Variants in RUNX1 observed in about 807,000 individuals in gnomAD.
The protein encoded by RUNX1 is RUNX family transcription factor 1.
In RUNX1, 19 loss-of-function variants were observed where a neutral mutation model predicts 42.8. The observed-to-expected ratio is 0.44, with a 90% CI of 0.31 to 0.65. RUNX1 has a LOEUF of 0.65. Ranked by LOEUF, RUNX1 falls within the 30% of genes least tolerant of loss-of-function variation. RUNX1 has a pLI of 0.07. For synonymous variants in RUNX1, 271 were observed against 289.4 expected, an observed-to-expected ratio of 0.94 and a Z score of 0.64; for missense variants, 528 against 672.0, an observed-to-expected ratio of 0.79 and a Z score of 2.37.
intron 3 of RUNX1, chr21:34,889,902 G>T: frequency 3.9e-6 from 4 of 1,028,618 alleles, no homozygotes; most frequent in Non-Finnish European, 4.7e-6. Flanking sequence ...TCCACCCCGG[G>T]GCTGCAACCC....
chr21:35,007,519 T>C (rs1314212582), intron 2 of RUNX1, among the ~76,000 whole-genome samples: 1 of 152,208 alleles, frequency 6.6e-6, no homozygotes, highest in Non-Finnish European at 1.5e-5. Flanking sequence ...ACATTCAATA[T>C]ATTCAGACAT....
chr21:34,872,158 T>A (rs893510552), intron 5 of RUNX1, among the ~76,000 whole-genome samples: 1 of 152,176 alleles, frequency 6.6e-6, no homozygotes, highest in Non-Finnish European at 1.5e-5. Flanking sequence ...ATCACTTTTT[T>A]AATATGAGTG....
intron 2 of RUNX1, among the ~76,000 whole-genome samples, chr21:35,018,494 TC>T (rs2059175625): frequency 6.6e-6 from 1 of 152,180 alleles, no homozygotes; most frequent in African/African-American, 2.4e-5. Flanking sequence ...AGTCCTCCAG[TC>T]GGTGGTACTT....
At chr21:34,937,714 CA>C (rs2058496929) in intron 2 of RUNX1, among the ~76,000 whole-genome samples, 1 of 150,814 alleles carries the variant, frequency 6.6e-6, no homozygotes, top group Non-Finnish European at 1.5e-5. Context: ...AAAAAAAAAC[CA>C]GAAAGAAAAG....
chr21:34,814,878 A>G lies in RUNX1; in HGVS notation c.806-15416T>C, dbSNP rs28373481. Among the ~76,000 whole-genome samples the G allele has an allele frequency of 3.7e-3, 558 of 152,288 alleles. 1 individual carries two copies. Among genetic ancestry groups the G allele is most frequent in the African/African-American group, 0.013 (525 of 41,558 alleles). ...TGTTTTTCAACAAGAAAATGCAAGT[A>G]CCAACAAAAGCCTATTATAACATCT... On this transcript the variant is annotated intron_variant, in intron 7 of 8. Coordinates refer to ENST00000675419, the MANE Select transcript of RUNX1 (RefSeq NM_001754.5).
chr21:34,900,247 G>A (rs1187418460), intron 2 of RUNX1, among the ~76,000 whole-genome samples: 4 of 152,268 alleles, frequency 2.6e-5, no homozygotes, highest in Admixed American at 2.6e-4. Context: ...AAGTCTGTGT[G>A]TATTTTACAT....
chr21:34,831,999 G>A (rs2057069883), intron 7 of RUNX1, among the ~76,000 whole-genome samples: 1 of 152,230 alleles, frequency 6.6e-6, no homozygotes, highest in Admixed American at 6.5e-5. Flanking sequence ...TACAAGTGAA[G>A]TACTGAATAT....
chr21:34,840,363 C>A (rs1384866061), intron 6 of RUNX1, among the ~76,000 whole-genome samples: 1 of 152,202 alleles, frequency 6.6e-6, no homozygotes, highest in African/African-American at 2.4e-5. Flanking sequence ...GTTAAGAATT[C>A]TCCATTCTAA....
chr21:34,792,838 C>G lies in RUNX1; in HGVS notation c.968-228G>C, dbSNP rs907138932. On this transcript the variant is annotated intron_variant, in intron 8 of 8. Transcript: ENST00000675419. This position sits in a 1 kb window ranked among gnomAD's most constrained non-coding sequence, Gnocchi z 6.9. Reference sequence around the variant, plus strand: ...GGGGGACAGGGACCACCCAGGATGCCACCTCCTGAGATGACGAGGATCACC... The same window carrying G: ...GGGGGACAGGGACCACCCAGGATGCGACCTCCTGAGATGACGAGGATCACC... Among the ~76,000 whole-genome samples the G allele has an allele frequency of 6.7e-6, 1 of 150,362 alleles. No individual in the cohort carries two copies. The highest frequency in any genetic ancestry group is 2.5e-5 in the African/African-American group (1 of 40,764).
intron 2 of RUNX1, among the ~76,000 whole-genome samples, chr21:34,931,385 A>G (rs1416221278): frequency 6.8e-6 from 1 of 146,636 alleles, no homozygotes; most frequent in Non-Finnish European, 1.5e-5. Context: ...TAATATATAC[A>G]TGTATATAAT....
intron 2 of RUNX1, among the ~76,000 whole-genome samples, chr21:34,934,867 T>C (rs2058473857): frequency 6.6e-6 from 1 of 152,172 alleles, no homozygotes; most frequent in African/African-American, 2.4e-5. Context: ...GGAGGCTTCA[T>C]AGGTTGAAGA....
intron 2 of RUNX1, among the ~76,000 whole-genome samples, chr21:34,930,486 C>T (rs1235578860): frequency 6.6e-6 from 1 of 151,592 alleles, no homozygotes; most frequent in Non-Finnish European, 1.5e-5. Context: ...AGAATGAGTG[C>T]TGTGATCAAT....
intron 6 of RUNX1, among the ~76,000 whole-genome samples, chr21:34,840,317 A>G (rs1422764092): frequency 6.6e-6 from 1 of 152,246 alleles, no homozygotes; most frequent in Non-Finnish European, 1.5e-5. Context: ...TAGAGAAACA[A>G]CATGGTCCCA....
At chr21:34,954,718 A>T (rs533978508) in intron 2 of RUNX1, among the ~76,000 whole-genome samples, 1 of 152,234 alleles carries the variant, frequency 6.6e-6, no homozygotes, top group South Asian at 2.1e-4. Context: ...TTATATCTTG[A>T]ATTACAGATG....
intron 2 of RUNX1, among the ~76,000 whole-genome samples, chr21:35,011,828 G>A (rs762267230): frequency 1.3e-5 from 2 of 152,154 alleles, no homozygotes; most frequent in African/African-American, 4.8e-5. Context: ...TTTTATGTGG[G>A]CAGTGTTGTT....
intron 2 of RUNX1, among the ~76,000 whole-genome samples, chr21:35,026,020 G>A (rs1214658194): frequency 6.6e-6 from 1 of 151,896 alleles, no homozygotes; most frequent in Non-Finnish European, 1.5e-5. Context: ...CCCCAACAAT[G>A]ATGGAGACTT....
intron 7 of RUNX1, among the ~76,000 whole-genome samples, chr21:34,802,753 G>A (rs1014437215): frequency 2.6e-5 from 4 of 152,158 alleles, no homozygotes; most frequent in Admixed American, 6.5e-5. Flanking sequence ...TCTGAGAGGA[G>A]GAGACTAGGG....
chr21:34,826,565 G>A (rs967206806), intron 7 of RUNX1, among the ~76,000 whole-genome samples: 1 of 151,196 alleles, frequency 6.6e-6, no homozygotes, highest in Non-Finnish European at 1.5e-5. Flanking sequence ...AGCCTCCCGG[G>A]TAACTAGGAC....
intron 2 of RUNX1, among the ~76,000 whole-genome samples, chr21:34,948,109 GT>G (rs1335968457): frequency 1.3e-5 from 2 of 149,900 alleles, no homozygotes; most frequent in African/African-American, 5.0e-5. Context: ...TTGGGGGGGG[GT>G]TTCACTTTTG....
Sources: gnomAD v4.1 joint callset for allele counts (sites outside exome capture counted in the v4.1 genomes callset) on GRCh38, gnomAD v4.1.1 for gene constraint, Gnocchi (gnomAD v3.1) non-coding constraint, MANE v1.5 for transcripts, NCBI Gene and HGNC (gene_info 2026-07-23, HGNC 2026-07-21) for gene names.